The following KCNH8 variants were observed in gnomAD, a reference collection of about 807,000 sequenced individuals.
KCNH8 encodes potassium voltage-gated channel subfamily H member 8.
A neutral mutation model predicts 103.6 loss-of-function variants in KCNH8; 70 were observed. That is an observed-to-expected ratio of 0.68 (90% confidence interval 0.56 to 0.82). The LOEUF is 0.82. Ranked by LOEUF, KCNH8 falls within the 40% of genes least tolerant of loss-of-function variation. The pLI is 0.00. For missense variants in KCNH8, 1,217 were observed against 1,329.9 expected (o/e 0.92, Z 1.32); for synonymous variants, 498 against 489.4 (o/e 1.02, Z -0.23).
At chr3:19,499,245 G>A (rs190492088) in intron 11 of KCNH8, among the ~76,000 whole-genome samples, 2,139 of 152,166 alleles carry the variant, frequency 0.014, 48 homozygotes, top group African/African-American at 0.047. Context: ...AGAGAAAAAA[G>A]AATAAAAAGA....
chr3:19,317,835 A>G (rs914731403), intron 3 of KCNH8, among the ~76,000 whole-genome samples: 4 of 151,962 alleles, frequency 2.6e-5, no homozygotes, highest in African/African-American at 9.7e-5. Flanking sequence ...TCAAAATAAT[A>G]AGAGCCATAT....
At chr3:19,516,609 C>T (rs931039540) in intron 14 of KCNH8, among the ~76,000 whole-genome samples, 2 of 152,018 alleles carry the variant, frequency 1.3e-5, no homozygotes, top group African/African-American at 4.8e-5. Context: ...CACAGAAACT[C>T]ACCATTTCAT....
intron 7 of KCNH8, among the ~76,000 whole-genome samples, chr3:19,433,883 A>G (rs1490143915): frequency 6.6e-6 from 1 of 152,212 alleles, no homozygotes; most frequent in Non-Finnish European, 1.5e-5. Context: ...CATAAAATGG[A>G]AAAGGGGTGA....
chr3:19,390,117 C>T (rs943101959), intron 5 of KCNH8, among the ~76,000 whole-genome samples: 10 of 152,032 alleles, frequency 6.6e-5, no homozygotes, highest in Admixed American at 2.0e-4. Flanking sequence ...ACATAGTGAA[C>T]ACTTAGTAAG....
chr3:19,405,981 TAAAC>T (rs1015799091), intron 7 of KCNH8, among the ~76,000 whole-genome samples: 1 of 152,026 alleles, frequency 6.6e-6, no homozygotes, highest in African/African-American at 2.4e-5. Flanking sequence ...AGGATCCTGG[TAAAC>T]AAAACACACA....
intron 3 of KCNH8, among the ~76,000 whole-genome samples, chr3:19,281,666 G>A (rs1367416049): frequency 6.6e-6 from 1 of 152,056 alleles, no homozygotes; most frequent in East Asian, 1.9e-4. Flanking sequence ...TCTTTAGGAG[G>A]ATGTGATTTA....
At chr3:19,348,225 A>T (rs547242107) in intron 5 of KCNH8, among the ~76,000 whole-genome samples, 2 of 152,180 alleles carry the variant, frequency 1.3e-5, no homozygotes, top group Non-Finnish European at 2.9e-5. Context: ...GCTAAAAAAG[A>T]TTTAACAGCT....
chr3:19,304,731 C>T (rs1245313876), intron 3 of KCNH8, among the ~76,000 whole-genome samples: 5 of 152,020 alleles, frequency 3.3e-5, no homozygotes, highest in East Asian at 1.9e-4. Flanking sequence ...TCAGTGATGA[C>T]GGAGATGTTC....
At chr3:19,261,540 A>G (rs2064436017) in intron 2 of KCNH8, among the ~76,000 whole-genome samples, 3 of 151,714 alleles carry the variant, frequency 2.0e-5, no homozygotes, top group South Asian at 4.2e-4. Flanking sequence ...CTCAATTTGT[A>G]GGTTACCTTT....
chr3:19,325,936 C>G (rs984975738), intron 3 of KCNH8, among the ~76,000 whole-genome samples: 8 of 152,124 alleles, frequency 5.3e-5, no homozygotes, highest in Non-Finnish European at 8.8e-5. Flanking sequence ...TGGAATCAAC[C>G]TAAATGTCCA....
chr3:19,298,499 A>G (rs1255377523), intron 3 of KCNH8, among the ~76,000 whole-genome samples: 1 of 152,258 alleles, frequency 6.6e-6, no homozygotes, highest in Non-Finnish European at 1.5e-5. Context: ...ATCTGTAATT[A>G]TAAAGAAATC....
At chr3:19,265,549 A>G (rs2064498643) in intron 2 of KCNH8, among the ~76,000 whole-genome samples, 1 of 151,996 alleles carries the variant, frequency 6.6e-6, no homozygotes, top group Non-Finnish European at 1.5e-5. Context: ...GGATCCTCAG[A>G]ACCTCACATT....
At chr3:19,468,456 T>C (rs979880692) in intron 11 of KCNH8, among the ~76,000 whole-genome samples, 2 of 152,168 alleles carry the variant, frequency 1.3e-5, no homozygotes, top group Non-Finnish European at 1.5e-5. Context: ...AAAAAAAGTA[T>C]CAATACTAGG....
chr3:19,200,045 C>A (rs2063641043), intron 1 of KCNH8, among the ~76,000 whole-genome samples: 1 of 151,792 alleles, frequency 6.6e-6, no homozygotes, highest in African/African-American at 2.4e-5. Context: ...TCAATGAATT[C>A]CTAAGCCTGA....
intron 11 of KCNH8, among the ~76,000 whole-genome samples, chr3:19,504,823 G>A (rs548812853): frequency 6.6e-6 from 1 of 151,904 alleles, no homozygotes; most frequent in South Asian, 2.1e-4. Context: ...TCACATTATT[G>A]GGTATATACC....
chr3:19,281,128 T>C, intron 2 of KCNH8, 70 bp from the exon 3 acceptor site: 1 of 1,494,830 alleles, frequency 6.7e-7, no homozygotes, highest in East Asian at 2.3e-5. Context: ...TTTTTATTGA[T>C]GATTGAGATT....
At chr3:19,149,669 A>G (rs1044215826) in intron 1 of KCNH8, among the ~76,000 whole-genome samples, 2 of 152,104 alleles carry the variant, frequency 1.3e-5, no homozygotes, top group Non-Finnish European at 2.9e-5. Flanking sequence ...TAACCCTGTA[A>G]TTAGGAGTCT....
At chr3:19,291,245 C>A (rs2064920617) in intron 3 of KCNH8, among the ~76,000 whole-genome samples, 1 of 152,154 alleles carries the variant, frequency 6.6e-6, no homozygotes, top group Admixed American at 6.5e-5. Context: ...CTATTTCCTT[C>A]AGTTCTACTC....
At position 19,410,462 on chromosome 3, in the gene KCNH8, T is replaced by C. The variant is rs2066759455; in HGVS notation, c.1177+15151T>C. Reference sequence around the variant, plus strand: ...AGTTAAAAATATCTCATTTTAACAATCTAACCTAACATCTAGAGGAACTAG... The same window carrying C: ...AGTTAAAAATATCTCATTTTAACAACCTAACCTAACATCTAGAGGAACTAG... On this transcript the variant is annotated intron_variant, in intron 7 of 15. Coordinates refer to ENST00000328405, the MANE Select transcript of KCNH8 (RefSeq NM_144633.3). 3.9e-5 allele frequency among the ~76,000 whole-genome samples: 6 copies of C among 152,202 alleles called. No individual in the cohort carries two copies. In the South Asian group the frequency reaches 1.2e-3, roughly 32 times the overall value.
Sources: gnomAD v4.1 joint callset for allele counts (sites outside exome capture counted in the v4.1 genomes callset) on GRCh38, gnomAD v4.1.1 for gene constraint, MANE v1.5 for transcripts, NCBI Gene and HGNC (gene_info 2026-07-23, HGNC 2026-07-21) for gene names.